Variants in EDA observed in about 807,000 individuals in gnomAD.
EDA encodes ectodysplasin-A.
In EDA, 2 loss-of-function variants were observed where a neutral mutation model predicts 23.6. The ratio of observed to expected loss-of-function variants is 0.08; its 90% CI spans 0.03 to 0.27. The LOEUF is 0.27. EDA is among the 10% of genes least tolerant of loss of function. The pLI, the probability that EDA is intolerant of heterozygous loss-of-function variation, is 1.00. For synonymous variants in EDA, 131 were observed against 132.0 expected (o/e 0.99, Z 0.05); for missense variants, 229 against 324.2 (o/e 0.71, Z 2.26).
chrX:69,711,822 G>T (rs1300346274), intron 1 of EDA, among the ~76,000 whole-genome samples: 1 of 111,650 alleles, frequency 9.0e-6, no homozygotes, highest in Non-Finnish European at 1.9e-5. Flanking sequence ...TTGTATTTCT[G>T]TGGGATCGAT....
chrX:69,621,945 G>A (rs1254039873), intron 1 of EDA, among the ~76,000 whole-genome samples: 3 of 110,531 alleles, frequency 2.7e-5, no homozygotes, highest in Non-Finnish European at 5.7e-5. Flanking sequence ...TTTTTATAGA[G>A]ACAGGATCTC....
chrX:69,790,492 C>T (rs949416653), intron 1 of EDA, among the ~76,000 whole-genome samples: 4 of 111,107 alleles, frequency 3.6e-5, no homozygotes, highest in Non-Finnish European at 7.6e-5. Context: ...AGTGTGTGAC[C>T]CACTCAGTGA....
chrX:69,751,369 G>C (rs1335318162), intron 1 of EDA, among the ~76,000 whole-genome samples: 6 of 112,019 alleles, frequency 5.4e-5, no homozygotes, highest in Non-Finnish European at 9.4e-5. Context: ...GCTCTATTCT[G>C]TTCCATTGGT....
At chrX:69,687,488 C>T (rs1296980096) in intron 1 of EDA, 1 of 111,401 alleles carries the variant, frequency 9.0e-6, no homozygotes. Context: ...TACTTTCTTT[C>T]AACAGTGTTT....
chrX:69,738,907 C>A (rs962688358), intron 1 of EDA, among the ~76,000 whole-genome samples: 1 of 111,011 alleles, frequency 9.0e-6, no homozygotes, highest in Non-Finnish European at 1.9e-5. Flanking sequence ...TATGGCCTAG[C>A]ATATGGTCTA....
intron 2 of EDA, among the ~76,000 whole-genome samples, chrX:69,974,024 A>AATATAT (rs746330034): frequency 1.9e-5 from 2 of 107,171 alleles, no homozygotes; most frequent in African/African-American, 6.7e-5. Context: ...ACTAACTTTA[A>AATATAT]ATATATATAT....
At chrX:69,785,230 G>A (rs1224006817) in intron 1 of EDA, among the ~76,000 whole-genome samples, 46 of 87,683 alleles carry the variant, frequency 5.2e-4, no homozygotes, top group Admixed American at 5.1e-4. Context: ...CAATCATGTC[G>A]TCTGCAAACA....
chrX:69,888,880 T>C (rs1355037652), intron 1 of EDA, among the ~76,000 whole-genome samples: 1 of 98,777 alleles, frequency 1.0e-5, no homozygotes, highest in Non-Finnish European at 2.0e-5. Context: ...ATAATGTTGC[T>C]ATAAACATGG....
intron 1 of EDA, among the ~76,000 whole-genome samples, chrX:69,624,196 A>T (rs1932290609): frequency 9.1e-6 from 1 of 109,990 alleles, no homozygotes; most frequent in Non-Finnish European, 1.9e-5. Context: ...CTTTGTCTAA[A>T]CTCCCTTTAA....
chrX:69,836,732 G>T (rs184113913), intron 1 of EDA, among the ~76,000 whole-genome samples: 3 of 112,154 alleles, frequency 2.7e-5, no homozygotes, highest in Non-Finnish European at 1.9e-5. Context: ...ACCCTCCATG[G>T]GCTGCACCCA....
At chrX:69,827,517 C>T (rs1332669115) in intron 1 of EDA, among the ~76,000 whole-genome samples, 1 of 112,282 alleles carries the variant, frequency 8.9e-6, no homozygotes, top group Non-Finnish European at 1.9e-5. Flanking sequence ...CTGCATTCTT[C>T]ACATAGTTCT....
chrX:69,936,084 T>C (rs1460738044), intron 1 of EDA, among the ~76,000 whole-genome samples: 1 of 108,420 alleles, frequency 9.2e-6, no homozygotes, highest in East Asian at 2.8e-4. Context: ...TTATTTACCT[T>C]TGTAGCAACT....
chrX:69,697,766 G>T (rs2011399382), intron 1 of EDA, among the ~76,000 whole-genome samples: 1 of 111,897 alleles, frequency 8.9e-6, no homozygotes, highest in Non-Finnish European at 1.9e-5. Context: ...GGTTTGTTGG[G>T]TCCCACCCAT....
intron 1 of EDA, among the ~76,000 whole-genome samples, chrX:69,817,958 G>A (rs2016119648): frequency 9.0e-6 from 1 of 111,645 alleles, no homozygotes; most frequent in South Asian, 3.8e-4. Flanking sequence ...CTCTAAAATT[G>A]ATCACATAAT....
At chrX:69,836,174 T>C (rs1651265861) in intron 1 of EDA, among the ~76,000 whole-genome samples, 1 of 112,511 alleles carries the variant, frequency 8.9e-6, no homozygotes, top group Admixed American at 9.4e-5. Flanking sequence ...GTCTCCCAGT[T>C]AGGCTATACA....
chrX:69,868,460 C>T (rs923276658), intron 1 of EDA, among the ~76,000 whole-genome samples: 3 of 111,837 alleles, frequency 2.7e-5, no homozygotes, highest in African/African-American at 9.7e-5. Context: ...CCACTGGACC[C>T]CTAGAAATTT....
intron 2 of EDA, among the ~76,000 whole-genome samples, chrX:70,000,902 C>T (rs751581435): frequency 1.1e-4 from 12 of 111,802 alleles, no homozygotes; most frequent in Non-Finnish European, 2.1e-4. Flanking sequence ...ATTATGTGTT[C>T]AATTTCCCTG....
chrX:69,832,357 T>C (rs895415311), intron 1 of EDA, among the ~76,000 whole-genome samples: 4 of 111,246 alleles, frequency 3.6e-5, no homozygotes, highest in Admixed American at 9.6e-5. Flanking sequence ...AGATGTGTGG[T>C]ATTATTTCTG....
chrX:69,870,377 G>A (rs2017547176), intron 1 of EDA, among the ~76,000 whole-genome samples: 1 of 110,779 alleles, frequency 9.0e-6, no homozygotes, highest in Admixed American at 9.6e-5. Flanking sequence ...CCTCCTCATG[G>A]GTCACACTCT....
Sources: gnomAD v4.1 joint callset for allele counts (sites outside exome capture counted in the v4.1 genomes callset) on GRCh38, gnomAD v4.1.1 for gene constraint, MANE v1.5 for transcripts, NCBI Gene and HGNC (gene_info 2026-07-23, HGNC 2026-07-21) for gene names.